CAMTA1: variants seen among roughly 807,000 people sequenced by gnomAD.
CAMTA1 encodes calmodulin binding transcription activator 1.
A neutral mutation model predicts 170.9 loss-of-function variants in CAMTA1; 27 were observed. The observed-to-expected ratio is 0.16, with a 90% CI of 0.12 to 0.22. The LOEUF (loss-of-function observed/expected upper bound fraction) is 0.22, where lower values mean the gene tolerates loss of function less well. CAMTA1 is among the 10% of genes least tolerant of loss of function. The probability of loss-of-function intolerance (pLI) is 1.00; values close to 1 mark genes in which losing one functional copy is unlikely to be tolerated. For synonymous variants in CAMTA1, 833 were observed against 891.5 expected (o/e 0.93, Z 1.17); for missense variants, 1,619 against 2,217.2 (o/e 0.73, Z 5.42).
intron 3 of CAMTA1, among the ~76,000 whole-genome samples, chr1:6,870,446 C>T (rs973991769): frequency 6.6e-6 from 1 of 152,154 alleles, no homozygotes; most frequent in South Asian, 2.1e-4. Flanking sequence ...AAAACCTAAT[C>T]ACAGGAACAA....
At chr1:6,857,470 C>G (rs777850136) in intron 3 of CAMTA1, among the ~76,000 whole-genome samples, 1 of 152,138 alleles carries the variant, frequency 6.6e-6, no homozygotes, top group African/African-American at 2.4e-5. Flanking sequence ...CAAACAAAAC[C>G]AAAGCAGTTG....
chr1:7,236,847 C>G (rs982387842), intron 4 of CAMTA1, among the ~76,000 whole-genome samples: 1 of 152,214 alleles, frequency 6.6e-6, no homozygotes, highest in African/African-American at 2.4e-5. Context: ...AAGAAAGGTG[C>G]AGGTGCATGA....
At chr1:7,522,623 C>T (rs535898212) in intron 6 of CAMTA1, among the ~76,000 whole-genome samples, 7 of 152,152 alleles carry the variant, frequency 4.6e-5, no homozygotes, top group Admixed American at 6.5e-5. Context: ...CATTTAAGTC[C>T]GTAATTCATT....
At chr1:7,164,120 C>G (rs547428227) in intron 4 of CAMTA1, among the ~76,000 whole-genome samples, 1 of 152,122 alleles carries the variant, frequency 6.6e-6, no homozygotes, top group Non-Finnish European at 1.5e-5. Flanking sequence ...TTAGAGGCTT[C>G]CCCACTCCTC....
At position 7,671,055 on chromosome 1, in the gene CAMTA1, C is replaced by T. The variant is rs376429179; in HGVS notation, c.2779+18C>T. On this transcript the variant is annotated intron_variant, in intron 10 of 22. Transcript: ENST00000303635. ...CTGCCCAGGTGAGAAAGCCGCCCCC[C>T]AGGCCCCCAAGGTGAGTGTGATGGC... is the stretch of plus-strand genomic sequence containing the variant. The T allele has an allele frequency of 1.9e-6, 3 of 1,612,080 alleles. No individual in the cohort carries two copies. Among genetic ancestry groups the T allele is most frequent in the Non-Finnish European group, 2.5e-6 (3 of 1,179,508 alleles).
intron 6 of CAMTA1, among the ~76,000 whole-genome samples, chr1:7,636,819 G>A (rs2095716067): frequency 1.3e-5 from 2 of 152,136 alleles, no homozygotes; most frequent in South Asian, 2.1e-4. Context: ...TCAGAATTCA[G>A]CCTAATTTGA....
intron 5 of CAMTA1, among the ~76,000 whole-genome samples, chr1:7,275,320 G>T (rs181447262): frequency 6.6e-5 from 10 of 151,934 alleles, no homozygotes. Flanking sequence ...ATTAACAAAG[G>T]TTTAAAATGT....
In CAMTA1 at chr1:7,534,313, G is replaced by A. The variant is rs115688358; in HGVS notation, c.510+66412G>A. On this transcript the variant is annotated intron_variant, in intron 6 of 22. Transcript: ENST00000303635. The surrounding 1 kb of genome is among the most constrained non-coding windows in gnomAD (Gnocchi z 5.6). ...GGCCGCGGGGCTATTTTTAGTTTGCGTCAACATCCCCCTCCAAGCATCCAT... is the reference window on the plus strand; with the variant it reads ...GGCCGCGGGGCTATTTTTAGTTTGCATCAACATCCCCCTCCAAGCATCCAT... 0.022 allele frequency among the ~76,000 whole-genome samples: 3,301 copies of A among 152,272 alleles called. 141 individuals carry two copies. The highest frequency in any genetic ancestry group is 0.076 in the African/African-American group (3,160 of 41,550).
Position 7,113,300 on chromosome 1 carries a change from T to C in CAMTA1, c.302+21929T>C, listed in dbSNP as rs1644173669. Among the ~76,000 whole-genome samples the C allele has an allele frequency of 6.6e-6, 1 of 152,226 alleles. No homozygotes were observed. The highest frequency in any genetic ancestry group is 1.5e-5 in the Non-Finnish European group (1 of 68,030). ...TGGGCTGGTCACTGCCATGTGGGCTTGGGTTGGCCTTCCCGTATGTTTGCT... is the reference window on the plus strand; with the variant it reads ...TGGGCTGGTCACTGCCATGTGGGCTCGGGTTGGCCTTCCCGTATGTTTGCT... On this transcript the variant is annotated intron_variant, in intron 4 of 22. Transcript: ENST00000303635. The surrounding 1 kb of genome is among the most constrained non-coding windows in gnomAD (Gnocchi z 4.5).
At chr1:7,448,697 C>T (rs61772209) in intron 5 of CAMTA1, among the ~76,000 whole-genome samples, 4,245 of 152,306 alleles carry the variant, frequency 0.028, 157 homozygotes, top group Admixed American at 0.1. Flanking sequence ...TGCGTCCTTA[C>T]GTGGTAGAAG....
At position 7,565,090 on chromosome 1, in the gene CAMTA1, G is replaced by C. The variant is rs1274426376; in HGVS notation, c.511-75310G>C. On this transcript the variant is annotated intron_variant, in intron 6 of 22. Coordinates refer to ENST00000303635, the MANE Select transcript of CAMTA1 (RefSeq NM_015215.4). This position sits in a 1 kb window ranked among gnomAD's most constrained non-coding sequence, Gnocchi z 4.5. ...AGGGACCCAAAGCAGAGGGGCTGTG[G>C]GTGCCAGGGGGCTCCCTGGGGAGAC... Among the ~76,000 whole-genome samples, 1 of 151,882 alleles carries C rather than the reference G, an allele frequency of 6.6e-6. No homozygotes were observed. Among genetic ancestry groups the C allele is most frequent in the African/African-American group, 2.4e-5 (1 of 41,338 alleles).
At chr1:7,526,021 G>A (rs1282560459) in intron 6 of CAMTA1, among the ~76,000 whole-genome samples, 2 of 152,024 alleles carry the variant, frequency 1.3e-5, no homozygotes, top group African/African-American at 4.8e-5. Flanking sequence ...AAATTGTGAA[G>A]CCAAATAATA....
intron 3 of CAMTA1, among the ~76,000 whole-genome samples, chr1:6,983,020 C>A (rs1694704484): frequency 6.6e-6 from 1 of 152,098 alleles, no homozygotes; most frequent in African/African-American, 2.4e-5. Flanking sequence ...CTGAGGCTGA[C>A]CCATGTAAAC....
chr1:7,587,140 C>A (rs2095316976), intron 6 of CAMTA1, among the ~76,000 whole-genome samples: 1 of 152,070 alleles, frequency 6.6e-6, no homozygotes, highest in South Asian at 2.1e-4. Context: ...CACTCCCATC[C>A]CAGACCAGGT....
chr1:7,368,282 C>G (rs1370502928), intron 5 of CAMTA1, among the ~76,000 whole-genome samples: 2 of 144,494 alleles, frequency 1.4e-5, no homozygotes, highest in Admixed American at 1.4e-4. Flanking sequence ...CATGGTTTCA[C>G]TGGGCACAGG....
intron 7 of CAMTA1, among the ~76,000 whole-genome samples, chr1:7,655,385 C>T (rs148249752): frequency 2.4e-4 from 34 of 144,006 alleles, no homozygotes; most frequent in East Asian, 1.5e-3. Context: ...TACACACACA[C>T]GTATGCACAC....
intron 6 of CAMTA1, among the ~76,000 whole-genome samples, chr1:7,528,497 G>C (rs140533168): frequency 5.1e-4 from 78 of 152,126 alleles, no homozygotes; most frequent in Non-Finnish European, 1.0e-3. Flanking sequence ...CGGAGATCTG[G>C]CCTCCTTTCC....
At chr1:7,354,737 T>A (rs1191701145) in intron 5 of CAMTA1, among the ~76,000 whole-genome samples, 1 of 152,252 alleles carries the variant, frequency 6.6e-6, no homozygotes, top group African/African-American at 2.4e-5. Context: ...TGTTATGTTT[T>A]GACTTTTTAA....
At chr1:7,417,577 G>T (rs554261173) in intron 5 of CAMTA1, among the ~76,000 whole-genome samples, 165 of 150,764 alleles carry the variant, frequency 1.1e-3, no homozygotes, top group Non-Finnish European at 1.4e-3. Context: ...CTCTGAGCCA[G>T]GTGTGGGATA....
Sources: gnomAD v4.1 joint callset for allele counts (sites outside exome capture counted in the v4.1 genomes callset) on GRCh38, gnomAD v4.1.1 for gene constraint, Gnocchi (gnomAD v3.1) non-coding constraint, MANE v1.5 for transcripts, NCBI Gene and HGNC (gene_info 2026-07-23, HGNC 2026-07-21) for gene names.